Variants in KCNH5 observed in about 807,000 individuals in gnomAD.
The protein encoded by KCNH5 is potassium voltage-gated channel subfamily H member 5.
A neutral mutation model predicts 96.1 loss-of-function variants in KCNH5; 46 were observed. That is an observed-to-expected ratio of 0.48 (90% CI 0.38 to 0.61). The LOEUF (loss-of-function observed/expected upper bound fraction) is 0.61. Ranked by LOEUF, KCNH5 falls within the 20% of genes least tolerant of loss-of-function variation. The pLI is 0.00. For synonymous variants in KCNH5, 439 were observed against 449.8 expected, an observed-to-expected ratio of 0.98 and a Z score of 0.30; for missense variants, 907 against 1,225.8, an observed-to-expected ratio of 0.74 and a Z score of 3.88.
At chr14:62,933,519 TAGGAC>T (rs1489203943) in intron 7 of KCNH5, among the ~76,000 whole-genome samples, 1 of 151,788 alleles carries the variant, frequency 6.6e-6, no homozygotes, top group Non-Finnish European at 1.5e-5. Context: ...TTAAGAGACA[TAGGAC>T]AGGAAAGAGA....
rs776191606 is a variant in KCNH5, at chr14:62,980,859, A to G, written c.942+13T>C. On this transcript the variant is annotated intron_variant, in intron 6 of 10. Transcript: ENST00000322893. Reference sequence around the variant, plus strand: ...GACCCACAGTACTCAGAAAACCAAAACGAAAAACTTACCTCATCCACATTT... The same window carrying G: ...GACCCACAGTACTCAGAAAACCAAAGCGAAAAACTTACCTCATCCACATTT... The G allele has an allele frequency of 6.2e-7, 1 of 1,611,712 alleles. No homozygotes were observed. The highest frequency in any genetic ancestry group is 1.7e-5 in the Admixed American group (1 of 59,590).
intron 10 of KCNH5, among the ~76,000 whole-genome samples, chr14:62,737,131 T>C (rs1001669386): frequency 1.3e-5 from 2 of 152,216 alleles, no homozygotes; most frequent in Admixed American, 1.3e-4. Context: ...GCTTGAACCT[T>C]CTTTCCTGAT....
chr14:62,953,883 C>G (rs1890052343), intron 6 of KCNH5, among the ~76,000 whole-genome samples: 1 of 152,144 alleles, frequency 6.6e-6, no homozygotes, highest in Admixed American at 6.5e-5. Context: ...CTATCAGTCT[C>G]GTATTTCTTT....
At chr14:63,024,115 A>T (rs1324522292) in intron 1 of KCNH5, among the ~76,000 whole-genome samples, 1 of 152,044 alleles carries the variant, frequency 6.6e-6, no homozygotes, top group Non-Finnish European at 1.5e-5. Flanking sequence ...AGGCTGCGGC[A>T]GGAGAATCAC....
At chr14:63,036,977 A>T (rs1459522853) in intron 1 of KCNH5, among the ~76,000 whole-genome samples, 1 of 152,166 alleles carries the variant, frequency 6.6e-6, no homozygotes. Context: ...ATTATGGAGG[A>T]GGCGGAAATT....
At chr14:62,737,265 G>A (rs773732561) in intron 10 of KCNH5, among the ~76,000 whole-genome samples, 3 of 152,090 alleles carry the variant, frequency 2.0e-5, no homozygotes. Flanking sequence ...GTTTACTGAT[G>A]CACCCTAAAT....
intron 10 of KCNH5, among the ~76,000 whole-genome samples, chr14:62,776,896 C>T (rs1425534942): frequency 6.6e-6 from 1 of 152,194 alleles, no homozygotes; most frequent in Non-Finnish European, 1.5e-5. Context: ...CTATTCAAAC[C>T]TCTCCACTGA....
intron 10 of KCNH5, among the ~76,000 whole-genome samples, chr14:62,719,317 G>A (rs1884755323): frequency 6.6e-6 from 1 of 152,174 alleles, no homozygotes; most frequent in Non-Finnish European, 1.5e-5. Context: ...CAAGTGCATG[G>A]CCCTGCATAT....
chr14:62,851,371 G>A (rs1490259244), intron 7 of KCNH5, among the ~76,000 whole-genome samples: 1 of 151,776 alleles, frequency 6.6e-6, no homozygotes, highest in Non-Finnish European at 1.5e-5. Context: ...AAATAAATGT[G>A]TTTATCTTTA....
At chr14:62,979,627 G>A (rs1411257173) in intron 6 of KCNH5, among the ~76,000 whole-genome samples, 1 of 151,908 alleles carries the variant, frequency 6.6e-6, no homozygotes, top group Non-Finnish European at 1.5e-5. Flanking sequence ...AACATCTTAG[G>A]ATAATTAAGT....
chr14:62,708,541 G>A lies in KCNH5; in HGVS notation c.2020-86C>T, dbSNP rs1204275559. ...TAATACTATGCTGTATGTGCTTTGT[G>A]TTACAAAGAAAACCCTTGAATATTT... On this transcript the variant is annotated intron_variant, in intron 10 of 10. Coordinates refer to ENST00000322893, the MANE Select transcript of KCNH5 (RefSeq NM_139318.5). 6.4e-6 allele frequency: 5 copies of A among 784,068 alleles called. No homozygotes were observed. The East Asian group carries it at 1.3e-4, about 21-fold the overall frequency. 48.6% of individuals were successfully genotyped at this position (784,068 alleles called of 1,614,324 possible).
At chr14:62,858,814 T>C (rs936769805) in intron 7 of KCNH5, among the ~76,000 whole-genome samples, 8 of 152,156 alleles carry the variant, frequency 5.3e-5, no homozygotes, top group Non-Finnish European at 1.0e-4. Context: ...ATACATGGCC[T>C]TCTGGAGAAC....
intron 7 of KCNH5, among the ~76,000 whole-genome samples, chr14:62,850,475 A>G (rs2140046283): frequency 1.3e-5 from 2 of 152,298 alleles, no homozygotes; most frequent in Middle Eastern, 6.8e-3. Flanking sequence ...TCCAGTTATT[A>G]AATTCATGTA....
At chr14:62,868,123 G>A (rs1475181584) in intron 7 of KCNH5, among the ~76,000 whole-genome samples, 1 of 152,232 alleles carries the variant, frequency 6.6e-6, no homozygotes, top group Non-Finnish European at 1.5e-5. Context: ...GAGTGAGGGG[G>A]TAAATCCTGA....
intron 7 of KCNH5, among the ~76,000 whole-genome samples, chr14:62,904,654 C>A: frequency 6.6e-6 from 1 of 152,150 alleles, no homozygotes; most frequent in Non-Finnish European, 1.5e-5. Context: ...TTCTTTTAGA[C>A]ATATTTATCA....
At chr14:62,901,151 G>C (rs1888917313) in intron 7 of KCNH5, among the ~76,000 whole-genome samples, 1 of 151,964 alleles carries the variant, frequency 6.6e-6, no homozygotes, top group African/African-American at 2.4e-5. Flanking sequence ...ACTGTGTCCA[G>C]CCTCCATCAC....
chr14:62,970,044 T>TCAAAAAAA (rs535103059), intron 6 of KCNH5, among the ~76,000 whole-genome samples: 1 of 30,406 alleles, frequency 3.3e-5, no homozygotes, highest in African/African-American at 1.2e-4. Flanking sequence ...AGACTCCGTC[T>TCAAAAAAA]AAAAAAAAAA....
intron 8 of KCNH5, among the ~76,000 whole-genome samples, chr14:62,820,435 C>A (rs1887091982): frequency 6.6e-6 from 1 of 151,492 alleles, no homozygotes. Flanking sequence ...ATTTCATCAG[C>A]CAGGTATTAA....
At chr14:62,977,914 A>G (rs1272841106) in intron 6 of KCNH5, among the ~76,000 whole-genome samples, 1 of 152,216 alleles carries the variant, frequency 6.6e-6, no homozygotes, top group Non-Finnish European at 1.5e-5. Flanking sequence ...AGACTCAGGT[A>G]GGAAGAAAAA....
Sources: gnomAD v4.1 joint callset for allele counts (sites outside exome capture counted in the v4.1 genomes callset) on GRCh38, gnomAD v4.1.1 for gene constraint, MANE v1.5 for transcripts, NCBI Gene and HGNC (gene_info 2026-07-23, HGNC 2026-07-21) for gene names.